RBFOX3: variants seen among roughly 807,000 people sequenced by gnomAD.
RBFOX3 encodes the protein RNA binding protein fox-1 homolog 3.
In RBFOX3, 17 loss-of-function variants were observed where a neutral mutation model predicts 48.7. The observed-to-expected ratio is 0.35, with a 90% confidence interval of 0.24 to 0.52. The LOEUF is 0.52. Ranked by LOEUF, RBFOX3 falls within the 20% of genes least tolerant of loss-of-function variation. The probability of loss-of-function intolerance (pLI) is 0.94; values close to 1 mark genes in which losing one functional copy is unlikely to be tolerated. For missense variants in RBFOX3, 382 were observed against 497.5 expected (o/e 0.77, Z 2.21); for synonymous variants, 212 against 209.5 (o/e 1.01, Z -0.10).
chr17:79,177,598 T>C (rs952529324), intron 4 of RBFOX3, among the ~76,000 whole-genome samples: 5 of 152,134 alleles, frequency 3.3e-5, no homozygotes, highest in Non-Finnish European at 7.4e-5. Flanking sequence ...GGCACACCCA[T>C]GCTGCCCACC....
At chr17:79,647,990 C>T in the RBFOX3 span, among the ~76,000 whole-genome samples, 3 of 151,678 alleles carry the variant, frequency 2.0e-5, no homozygotes, top group Admixed American at 2.0e-4. Flanking sequence ...GTGGTGGACA[C>T]AGAGCCCACC....
intron 2 of RBFOX3, among the ~76,000 whole-genome samples, chr17:79,353,527 C>G (rs1233312564): frequency 1.3e-5 from 2 of 152,218 alleles, no homozygotes; most frequent in African/African-American, 4.8e-5. Context: ...AGCTAAGATG[C>G]CACTATATAA....
intron 3 of RBFOX3, among the ~76,000 whole-genome samples, chr17:79,277,937 G>A (rs956426932): frequency 5.5e-4 from 84 of 152,338 alleles, no homozygotes; most frequent in African/African-American, 1.9e-3. Flanking sequence ...AGTTGCCACC[G>A]AAGCAAAATC....
At chr17:79,357,912 A>T (rs1190308452) in intron 2 of RBFOX3, among the ~76,000 whole-genome samples, 1 of 150,428 alleles carries the variant, frequency 6.6e-6, no homozygotes, top group Non-Finnish European at 1.5e-5. Context: ...GTATTTAAGT[A>T]ACTTCCACTT....
At chr17:79,291,944 T>C (rs2073349117) in intron 3 of RBFOX3, among the ~76,000 whole-genome samples, 1 of 152,072 alleles carries the variant, frequency 6.6e-6, no homozygotes, top group Non-Finnish European at 1.5e-5. Flanking sequence ...AACGCCCAAG[T>C]CTCAATCCTG....
At chr17:79,516,269 A>G (rs2085237634) in intron 1 of RBFOX3, 1 of 152,270 alleles carries the variant, frequency 6.6e-6, no homozygotes, top group Admixed American at 6.5e-5. Flanking sequence ...GAAGGGACAG[A>G]CATTGAATTG....
the RBFOX3 span, among the ~76,000 whole-genome samples, chr17:79,636,672 T>TAC: frequency 6.6e-6 from 1 of 151,682 alleles, no homozygotes; most frequent in African/African-American, 2.4e-5. Context: ...CTCTAGTGGA[T>TAC]ACACAAAAGC....
chr17:79,171,691 G>A (rs1184251283), intron 4 of RBFOX3, among the ~76,000 whole-genome samples: 1 of 112,594 alleles, frequency 8.9e-6, no homozygotes. Flanking sequence ...CAAACTCTTG[G>A]GCTCTAGTGA....
chr17:79,636,007 TTTA>T, the RBFOX3 span, among the ~76,000 whole-genome samples: 11 of 152,306 alleles, frequency 7.2e-5, no homozygotes, highest in South Asian at 2.1e-3. Flanking sequence ...TTTGGTGATA[TTTA>T]TTATTTTTTA....
rs927363035 is a variant in RBFOX3, at chr17:79,106,834, G to A, written c.223-46C>T. 13 of 1,477,456 alleles carry A rather than the reference G, an allele frequency of 8.8e-6. No homozygotes were observed. In the African/African-American group the frequency reaches 1.8e-4, roughly 20 times the overall value. The allele number at this position is 1,477,456 out of a possible 1,614,324, so 91.5% of individuals were successfully genotyped here. ...TGTGGAGGCTGCCTCTGTGTGCGGG[G>A]TTGCCCATCCCCTCTGCTAAAGGGT... is the stretch of plus-strand genomic sequence containing the variant. On this transcript the variant is annotated intron_variant, in intron 5 of 14. Transcript: ENST00000693108.
chr17:79,399,088 G>A (rs11077437), intron 2 of RBFOX3, among the ~76,000 whole-genome samples: 31,076 of 152,094 alleles, frequency 0.2, 4,011 homozygotes, highest in Non-Finnish European at 0.28. Context: ...GGAACCCCTC[G>A]GGTGGCTGGC....
In RBFOX3 at chr17:79,364,862, T is replaced by A. The variant is rs1284854480; in HGVS notation, c.-174-57038A>T. Among the ~76,000 whole-genome samples, 1 of 152,144 alleles carries A rather than the reference T, an allele frequency of 6.6e-6. No individual in the cohort carries two copies. Among genetic ancestry groups the A allele is most frequent in the Non-Finnish European group, 1.5e-5 (1 of 68,014 alleles). ...GCTCCCTCAGCTGGAGAGGCTACCT[T>A]GTGTGGCCAGAACCACTCAGTCAAT... is the stretch of plus-strand genomic sequence containing the variant. On this transcript the variant is annotated intron_variant, in intron 2 of 14. Transcript: ENST00000693108. The surrounding 1 kb of genome is among the most constrained non-coding windows in gnomAD (Gnocchi z 5.1).
intron 2 of RBFOX3, among the ~76,000 whole-genome samples, chr17:79,328,126 G>A (rs1334859536): frequency 1.3e-5 from 2 of 152,236 alleles, no homozygotes; most frequent in East Asian, 3.9e-4. Context: ...AGGAGAGTGG[G>A]AGGGCAGAGC....
chr17:79,480,742 C>T lies in RBFOX3; in HGVS notation c.-175+1712G>A, dbSNP rs1207467151. Among the ~76,000 whole-genome samples the T allele has an allele frequency of 2.0e-5, 3 of 152,214 alleles. No homozygotes were observed. The highest frequency in any genetic ancestry group is 4.4e-5 in the Non-Finnish European group (3 of 68,038). ...TCCCTCCCTTCCTTCTGTCTTGGCT[C>T]ACAACATCAGCACCGGGGCCTGCCC... is the stretch of plus-strand genomic sequence containing the variant. On this transcript the variant is annotated intron_variant, in intron 2 of 14. Transcript: ENST00000693108. This position sits in a 1 kb window ranked among gnomAD's most constrained non-coding sequence, Gnocchi z 4.8.
In RBFOX3 at chr17:79,391,729, T is replaced by G. The variant is rs2061394866; in HGVS notation, c.-174-83905A>C. ...GCGTGTGTGGGCACAGGAAAGTCTG[T>G]GTGCACGTGTGAGTTAGGGTGGGGG... is the stretch of plus-strand genomic sequence containing the variant. On this transcript the variant is annotated intron_variant, in intron 2 of 14. Transcript: ENST00000693108. This position sits in a 1 kb window ranked among gnomAD's most constrained non-coding sequence, Gnocchi z 5.0. Among the ~76,000 whole-genome samples, 1 of 152,100 alleles carries G rather than the reference T, an allele frequency of 6.6e-6. No individual in the cohort carries two copies. Among genetic ancestry groups the G allele is most frequent in the African/African-American group, 2.4e-5 (1 of 41,404 alleles).
At chr17:79,508,427 CCCA>C (rs2083502993) in intron 1 of RBFOX3, among the ~76,000 whole-genome samples, 1 of 152,198 alleles carries the variant, frequency 6.6e-6, no homozygotes. Context: ...TGGGCCGCCG[CCCA>C]CCGCCTCCCT....
At chr17:79,323,352 T>C (rs1299197917) in intron 2 of RBFOX3, among the ~76,000 whole-genome samples, 1 of 152,200 alleles carries the variant, frequency 6.6e-6, no homozygotes, top group South Asian at 2.1e-4. Flanking sequence ...TGCTGAGCCA[T>C]TGCTGTGGCA....
chr17:79,170,140 G>GGAAGGGAGGAGGAAGGA (rs761172496), intron 4 of RBFOX3, among the ~76,000 whole-genome samples: 2 of 123,186 alleles, frequency 1.6e-5, no homozygotes, highest in Non-Finnish European at 3.2e-5. Context: ...GGAGGAAGGA[G>GGAAGGGAGGAGGAAGGA]GGAAGGAAGG....
Position 79,349,339 on chromosome 17 carries a change from C to A in RBFOX3, c.-174-41515G>T, listed in dbSNP as rs533220378. Among the ~76,000 whole-genome samples the A allele has an allele frequency of 2.0e-5, 3 of 152,234 alleles. No homozygotes were observed. The South Asian group carries it at 6.2e-4, about 32-fold the overall frequency. On this transcript the variant is annotated intron_variant, in intron 2 of 14. Coordinates refer to ENST00000693108, the MANE Select transcript of RBFOX3 (RefSeq NM_001350451.2). Reference sequence around the variant, plus strand: ...CTCCTCTGCCCACTCAGCCACACAGCCTTGCTGGGTCTGGGGTCACTCTCA... The same window carrying A: ...CTCCTCTGCCCACTCAGCCACACAGACTTGCTGGGTCTGGGGTCACTCTCA...
Sources: gnomAD v4.1 joint callset for allele counts (sites outside exome capture counted in the v4.1 genomes callset) on GRCh38, gnomAD v4.1.1 for gene constraint, Gnocchi (gnomAD v3.1) non-coding constraint, MANE v1.5 for transcripts, NCBI Gene and HGNC (gene_info 2026-07-23, HGNC 2026-07-21) for gene names.